Variants in TNFSF8 observed in about 807,000 individuals in gnomAD.
TNFSF8 encodes the protein TNF superfamily member 8.
In TNFSF8, 4 loss-of-function variants were observed where a neutral mutation model predicts 22.0. The ratio of observed to expected loss-of-function variants is 0.18; its 90% CI spans 0.09 to 0.42. The LOEUF is 0.42. Ranked by LOEUF, TNFSF8 falls within the 10% of genes least tolerant of loss-of-function variation. The pLI is 1.00. For synonymous variants in TNFSF8, 106 were observed against 112.5 expected (o/e 0.94, Z 0.37); for missense variants, 233 against 281.8 (o/e 0.83, Z 1.24).
intron 3 of TNFSF8, among the ~76,000 whole-genome samples, chr9:114,905,043 G>C (rs1587931947): frequency 6.6e-6 from 1 of 152,212 alleles, no homozygotes; most frequent in African/African-American, 2.4e-5. Context: ...AAGCTGACAA[G>C]TTTGTGTTGG....
intron 2 of TNFSF8, among the ~76,000 whole-genome samples, chr9:114,912,698 C>T (rs182685517): frequency 7.2e-5 from 11 of 152,192 alleles, no homozygotes; most frequent in East Asian, 1.9e-4. Flanking sequence ...TCCGCTAGGG[C>T]GGCTGTCATC....
chr9:114,918,932 T>C (rs1316821405), intron 1 of TNFSF8, among the ~76,000 whole-genome samples: 1 of 151,766 alleles, frequency 6.6e-6, no homozygotes, highest in Non-Finnish European at 1.5e-5. Context: ...CTGGTGCTTT[T>C]CCCCCCTCCA....
chr9:114,907,939 C>T (rs530860173), intron 2 of TNFSF8, among the ~76,000 whole-genome samples: 2 of 152,286 alleles, frequency 1.3e-5, no homozygotes, highest in South Asian at 2.1e-4. Context: ...GCTGCCTGAC[C>T]GCTGCCCGAA....
Position 114,902,388 on chromosome 9 carries a change from C to T in TNFSF8, c.*1543G>A. 1 of 985,436 alleles carries T rather than the reference C, an allele frequency of 1.0e-6. No individual in the cohort carries two copies. 61.0% of individuals were successfully genotyped at this position (985,436 alleles called of 1,614,324 possible). A position where few individuals can be genotyped will look rare whatever the true frequency, so the allele number is the denominator to read the frequency against. On this transcript the variant is annotated 3_prime_UTR_variant, in exon 4 of 4. Coordinates refer to ENST00000223795, the MANE Select transcript of TNFSF8 (RefSeq NM_001244.4). The stretch of plus-strand genomic sequence containing the variant: ...GCTAGATGACCACATCACTGTTGCA[C>T]ACTGATTGTTTGCTAAAGGCACAAT...
chr9:114,930,273 C>T lies in TNFSF8; in HGVS notation c.31G>A (p.Gly11Arg). Residue 11 changes from glycine to arginine, a missense_variant, in exon 1 of 4, where the codon GGA (glycine) becomes AGA (arginine). Gly to Arg is a moderately radical substitution (Grantham distance 125, BLOSUM62 -2). Coordinates refer to ENST00000223795, the MANE Select transcript of TNFSF8 (RefSeq NM_001244.4). MDPGLQQALNGMAPPGDTAMH... is the reference protein window; with the variant it reads MDPGLQQALNRMAPPGDTAMH... ...GCTGTGTCTCCAGGAGGGGCCATTC[C>T]GTTGAGTGCTTGCTGCAGCCCTGGG... is the stretch of plus-strand genomic sequence containing the variant. The T allele has an allele frequency of 1.3e-6, 2 of 1,593,968 alleles. No individual in the cohort carries two copies. The highest frequency in any genetic ancestry group is 1.7e-6 in the Non-Finnish European group (2 of 1,170,348).
chr9:114,900,560 C>T (rs1216674355), downstream of TNFSF8, among the ~76,000 whole-genome samples: 1 of 152,184 alleles, frequency 6.6e-6, no homozygotes, highest in Non-Finnish European at 1.5e-5. Context: ...TGGACAGTCC[C>T]CACATTTGGA....
intron 3 of TNFSF8, among the ~76,000 whole-genome samples, chr9:114,904,655 T>G (rs1245429776): frequency 6.6e-6 from 1 of 152,194 alleles, no homozygotes; most frequent in African/African-American, 2.4e-5. Context: ...CTTTCCCTTT[T>G]CAGACTATAA....
chr9:114,894,777 T>A (rs1827640397), intron 4 of TNFSF8, among the ~76,000 whole-genome samples: 1 of 152,156 alleles, frequency 6.6e-6, no homozygotes, highest in Non-Finnish European at 1.5e-5. Context: ...AGTAAACACA[T>A]CAAAGTAATG....
At chr9:114,927,459 C>T (rs1828077724) in intron 1 of TNFSF8, among the ~76,000 whole-genome samples, 1 of 152,194 alleles carries the variant, frequency 6.6e-6, no homozygotes, top group Non-Finnish European at 1.5e-5. Flanking sequence ...TCTCTTTGCT[C>T]ATGCTGTTCC....
At chr9:114,911,658 T>C (rs1827853261) in intron 2 of TNFSF8, among the ~76,000 whole-genome samples, 1 of 152,162 alleles carries the variant, frequency 6.6e-6, no homozygotes. Flanking sequence ...ACTGAGCACA[T>C]AGGAAGTGAT....
chr9:114,901,483 T>C lies in TNFSF8; in HGVS notation c.*2448A>G, dbSNP rs751733107. On this transcript the variant is annotated 3_prime_UTR_variant, in exon 4 of 4. Coordinates refer to ENST00000223795, the MANE Select transcript of TNFSF8 (RefSeq NM_001244.4). ...TGCTCAGAGAACAGTTGGTGAAAAA[T>C]GAAAATGGAATCTTTCTCGAGTTAG... 20 of 985,338 alleles carry C rather than the reference T, an allele frequency of 2.0e-5. No individual in the cohort carries two copies. The highest frequency in any genetic ancestry group is 2.0e-5 in the Non-Finnish European group (17 of 829,902). 61.0% of individuals were successfully genotyped at this position (985,338 alleles called of 1,614,324 possible).
chr9:114,902,594 G>A lies in TNFSF8; in HGVS notation c.*1337C>T. On this transcript the variant is annotated 3_prime_UTR_variant, in exon 4 of 4. Coordinates refer to ENST00000223795, the MANE Select transcript of TNFSF8 (RefSeq NM_001244.4). The stretch of plus-strand genomic sequence containing the variant: ...ATCCTGCTGTTCACACCATTCAGCA[G>A]GGCACCCTGAACCTTGTCCCCATAT... The A allele has an allele frequency of 1.0e-6, 1 of 985,418 alleles. No homozygotes were observed. Among genetic ancestry groups the A allele is most frequent in the Non-Finnish European group, 1.2e-6 (1 of 829,942 alleles). 61.0% of individuals were successfully genotyped at this position (985,418 alleles called of 1,614,324 possible).
At chr9:114,898,192 C>G (rs576326734), downstream of TNFSF8, among the ~76,000 whole-genome samples, 7 of 151,894 alleles carry the variant, frequency 4.6e-5, no homozygotes, top group Non-Finnish European at 8.8e-5. Flanking sequence ...TTAGTAGAGA[C>G]AAGGTTTCAC....
intron 1 of TNFSF8, among the ~76,000 whole-genome samples, chr9:114,927,767 C>T (rs1828081842): frequency 6.6e-6 from 1 of 152,094 alleles, no homozygotes; most frequent in South Asian, 2.1e-4. Context: ...ATACAGAGTG[C>T]TAATTGACCA....
chr9:114,922,086 A>G (rs1435807886), intron 1 of TNFSF8, among the ~76,000 whole-genome samples: 1 of 152,184 alleles, frequency 6.6e-6, no homozygotes, highest in African/African-American at 2.4e-5. Flanking sequence ...GTTATTGTGG[A>G]CATCATAAGA....
intron 2 of TNFSF8, among the ~76,000 whole-genome samples, chr9:114,908,376 C>T (rs974367729): frequency 3.9e-5 from 6 of 152,230 alleles, no homozygotes; most frequent in Non-Finnish European, 7.3e-5. Flanking sequence ...CCTCATTCTC[C>T]CACTGGCATT....
At chr9:114,917,657 C>G (rs1439897135) in intron 2 of TNFSF8, among the ~76,000 whole-genome samples, 1 of 152,150 alleles carries the variant, frequency 6.6e-6, no homozygotes, top group East Asian at 1.9e-4. Context: ...GTTGCCATGC[C>G]AAGCAATTTA....
chr9:114,901,801 T>C lies in TNFSF8; in HGVS notation c.*2130A>G, dbSNP rs1827719567. The C allele has an allele frequency of 1.0e-6, 1 of 977,914 alleles. No individual in the cohort carries two copies. The highest frequency in any genetic ancestry group is 1.2e-6 in the Non-Finnish European group (1 of 823,136). The allele number at this position is 977,914 out of a possible 1,614,324, so 60.6% of individuals were successfully genotyped here. ...AATGTAGACTTTACTAAATATTTCA[T>C]AGAGGAGACCTAGGAGGAGGTTGAC... is the stretch of plus-strand genomic sequence containing the variant. On this transcript the variant is annotated 3_prime_UTR_variant, in exon 4 of 4. Transcript: ENST00000223795.
intron 2 of TNFSF8, among the ~76,000 whole-genome samples, chr9:114,915,058 C>G (rs1165725743): frequency 6.6e-6 from 1 of 152,104 alleles, no homozygotes; most frequent in Non-Finnish European, 1.5e-5. Flanking sequence ...TAGCTTCTGC[C>G]CTTTTCCTTT....
Sources: gnomAD v4.1 joint callset for allele counts (sites outside exome capture counted in the v4.1 genomes callset) on GRCh38, gnomAD v4.1.1 for gene constraint, MANE v1.5 for transcripts, NCBI Gene and HGNC (gene_info 2026-07-23, HGNC 2026-07-21) for gene names.